CSTPP1: variants seen among roughly 807,000 people sequenced by gnomAD.
CSTPP1 encodes centriolar satellite-associated tubulin polyglutamylase complex regulator 1, also known as UPF0705 protein C11orf49.
At chr11:46,955,665 C>T in the CSTPP1 span, among the ~76,000 whole-genome samples, 18 of 151,886 alleles carry the variant, frequency 1.2e-4, no homozygotes, top group Non-Finnish European at 2.2e-4. Context: ...GCCCAGGCTA[C>T]AGCAGTGTCT....
At chr11:46,990,968 T>C in the CSTPP1 span, among the ~76,000 whole-genome samples, 2 of 152,182 alleles carry the variant, frequency 1.3e-5, no homozygotes, top group East Asian at 3.8e-4. Context: ...GAGTTTTCTG[T>C]ACTTTCCATT....
the CSTPP1 span, among the ~76,000 whole-genome samples, chr11:47,105,502 GA>G: frequency 4.0e-5 from 6 of 151,370 alleles, no homozygotes; most frequent in East Asian, 1.9e-4. Context: ...CTCTGTCTCT[GA>G]AAAAAAAATT....
chr11:47,141,083 T>G, the CSTPP1 span, among the ~76,000 whole-genome samples: 1 of 152,218 alleles, frequency 6.6e-6, no homozygotes, highest in African/African-American at 2.4e-5. Flanking sequence ...ATGTTTCTTT[T>G]TAACAGCTTT....
At chr11:47,007,882 T>G in the CSTPP1 span, among the ~76,000 whole-genome samples, 1 of 152,298 alleles carries the variant, frequency 6.6e-6, no homozygotes, top group African/African-American at 2.4e-5. Context: ...GGGCTGATTT[T>G]CAGTATAGCT....
chr11:47,155,413 T>C, the CSTPP1 span: 2 of 743,526 alleles, frequency 2.7e-6, no homozygotes, highest in Non-Finnish European at 4.7e-6. Context: ...ACAGGATGTC[T>C]AGTGTTCAGT....
At chr11:47,125,899 C>G in the CSTPP1 span, among the ~76,000 whole-genome samples, 1 of 151,974 alleles carries the variant, frequency 6.6e-6, no homozygotes, top group Non-Finnish European at 1.5e-5. Context: ...TGCCTGTAAT[C>G]CCAGCTACAT....
the CSTPP1 span, among the ~76,000 whole-genome samples, chr11:46,960,803 G>A: frequency 2.0e-5 from 3 of 151,942 alleles, no homozygotes; most frequent in Non-Finnish European, 2.9e-5. Flanking sequence ...AGTGAGCCAA[G>A]ATCGTGCCAC....
the CSTPP1 span, among the ~76,000 whole-genome samples, chr11:46,948,585 TA>T: frequency 3.3e-5 from 5 of 150,626 alleles, no homozygotes; most frequent in African/African-American, 1.2e-4. Flanking sequence ...GATGGCTACA[TA>T]AAAAAAAAGG....
the CSTPP1 span, among the ~76,000 whole-genome samples, chr11:47,141,683 C>T: frequency 6.6e-6 from 1 of 151,736 alleles, no homozygotes; most frequent in Non-Finnish European, 1.5e-5. Flanking sequence ...CCTGTAATCC[C>T]AGCACTTTGG....
chr11:46,949,304 A>G, the CSTPP1 span, among the ~76,000 whole-genome samples: 1 of 152,204 alleles, frequency 6.6e-6, no homozygotes, highest in Non-Finnish European at 1.5e-5. Context: ...GAACTACCAG[A>G]CCTGCTGTTT....
At chr11:47,004,981 C>T in the CSTPP1 span, among the ~76,000 whole-genome samples, 1 of 152,176 alleles carries the variant, frequency 6.6e-6, no homozygotes, top group Non-Finnish European at 1.5e-5. Context: ...AGTATATTTA[C>T]ACCAGACAAA....
At chr11:47,162,740 C>T in the CSTPP1 span, among the ~76,000 whole-genome samples, 8 of 152,272 alleles carry the variant, frequency 5.3e-5, no homozygotes, top group African/African-American at 1.7e-4. Context: ...GAAGCCCAAG[C>T]AGAACAGGAC....
chr11:47,162,148 G>A, the CSTPP1 span: 1 of 985,848 alleles, frequency 1.0e-6, no homozygotes, highest in South Asian at 4.7e-5. Context: ...TGGGCCAGAA[G>A]ATGATTTCAC....
chr11:46,984,380 A>G, the CSTPP1 span, among the ~76,000 whole-genome samples: 2 of 152,224 alleles, frequency 1.3e-5, no homozygotes, highest in East Asian at 3.8e-4. Context: ...AGAATAAAGC[A>G]TGTGAAACAA....
chr11:47,018,415 C>T, the CSTPP1 span, among the ~76,000 whole-genome samples: 1 of 151,608 alleles, frequency 6.6e-6, no homozygotes, highest in Non-Finnish European at 1.5e-5. Context: ...CTGCATCAGC[C>T]TCCTGAGTAC....
chr11:46,952,045 G>T, the CSTPP1 span, among the ~76,000 whole-genome samples: 1 of 152,022 alleles, frequency 6.6e-6, no homozygotes, highest in African/African-American at 2.4e-5. Context: ...GGGCTGAGCT[G>T]GTGTTATAAA....
chr11:47,066,469 G>A, the CSTPP1 span, among the ~76,000 whole-genome samples: 1 of 152,058 alleles, frequency 6.6e-6, no homozygotes, highest in Non-Finnish European at 1.5e-5. Flanking sequence ...GATGGAATGA[G>A]ATGTCCTGTA....
the CSTPP1 span, among the ~76,000 whole-genome samples, chr11:47,046,827 G>A: frequency 2.0e-5 from 3 of 149,644 alleles, no homozygotes; most frequent in South Asian, 4.2e-4. Context: ...CACCATGCCC[G>A]ACTAATTTTT....
chr11:47,016,785 G>A, the CSTPP1 span, among the ~76,000 whole-genome samples: 1 of 150,580 alleles, frequency 6.6e-6, no homozygotes, highest in Non-Finnish European at 1.5e-5. Flanking sequence ...GGTTTCTTGG[G>A]TATACACATA....
Sources: gnomAD v4.1 joint callset for allele counts (sites outside exome capture counted in the v4.1 genomes callset) on GRCh38, gnomAD v4.1.1 for gene constraint, MANE v1.5 for transcripts, NCBI Gene and HGNC (gene_info 2026-07-23, HGNC 2026-07-21) for gene names.